LRRC7: variants seen among roughly 807,000 people sequenced by gnomAD.
LRRC7 encodes leucine-rich repeat-containing protein 7.
A neutral mutation model predicts 175.7 loss-of-function variants in LRRC7; 23 were observed. The observed-to-expected ratio is 0.13, with a 90% confidence interval of 0.09 to 0.19. The LOEUF (loss-of-function observed/expected upper bound fraction) is 0.19, where lower values mean the gene tolerates loss of function less well. Ranked by LOEUF, LRRC7 falls within the 10% of genes least tolerant of loss-of-function variation. The probability of loss-of-function intolerance (pLI) is 1.00; values close to 1 mark genes in which losing one functional copy is unlikely to be tolerated. For missense variants in LRRC7, 1,354 were observed against 1,904.7 expected, an observed-to-expected ratio of 0.71 and a Z score of 5.38; for synonymous variants, 685 against 680.9, an observed-to-expected ratio of 1.01 and a Z score of -0.09.
At position 70,126,723 on chromosome 1, in the gene LRRC7, T is replaced by C. The variant is rs1382468952; in HGVS notation, c.*4836T>C. 6.6e-6 allele frequency among the ~76,000 whole-genome samples: 1 copy of C among 152,188 alleles called. No homozygotes were observed. Reference sequence around the variant, plus strand: ...GGTCACTATTACAGGAGATCCTGAGTGTCAGCTCCATTTTGATCTAAACTG... The same window carrying C: ...GGTCACTATTACAGGAGATCCTGAGCGTCAGCTCCATTTTGATCTAAACTG... On this transcript the variant is annotated 3_prime_UTR_variant, in exon 27 of 27. Coordinates refer to ENST00000651989, the MANE Select transcript of LRRC7 (RefSeq NM_001370785.2).
chr1:69,568,573 G>A lies in LRRC7; in HGVS notation c.-67G>A. 2 of 1,337,534 alleles carry A rather than the reference G, an allele frequency of 1.5e-6. No individual in the cohort carries two copies. Among genetic ancestry groups the A allele is most frequent in the South Asian group, 1.2e-5 (1 of 83,392 alleles). The allele number at this position is 1,337,534 out of a possible 1,614,324, so 82.9% of individuals were successfully genotyped here. A position where few individuals can be genotyped will look rare whatever the true frequency, so the allele number is the denominator to read the frequency against. ...CCACTGCGGACCCCTGAACACTTAAGGAATAACCCTTGGCAGCTGCACGAC... is the reference window on the plus strand; with the variant it reads ...CCACTGCGGACCCCTGAACACTTAAAGAATAACCCTTGGCAGCTGCACGAC... On this transcript the variant is annotated 5_prime_UTR_variant, in exon 1 of 27. Transcript: ENST00000651989.
At chr1:69,819,573 C>CTG (rs1211392847) in intron 4 of LRRC7, among the ~76,000 whole-genome samples, 168 of 128,132 alleles carry the variant, frequency 1.3e-3, no homozygotes, top group African/African-American at 4.5e-3. Flanking sequence ...CTCTCTCTCT[C>CTG]TCTCTGTGTG....
intron 11 of LRRC7, among the ~76,000 whole-genome samples, chr1:69,994,992 A>G (rs183961993): frequency 1.3e-5 from 2 of 152,244 alleles, no homozygotes; most frequent in East Asian, 3.9e-4. Context: ...TTCTTGCAAA[A>G]TTAAACCAAT....
Position 69,582,915 on chromosome 1 carries a change from C to T in LRRC7, c.2+14274C>T, listed in dbSNP as rs1296642245. ...CTTGAAATGTATTTTACAAATTTCTCAAGTAAATTACTTTTGCCCTATTTT... is the reference window on the plus strand; with the variant it reads ...CTTGAAATGTATTTTACAAATTTCTTAAGTAAATTACTTTTGCCCTATTTT... On this transcript the variant is annotated intron_variant, in intron 1 of 26. Transcript: ENST00000651989. Among the ~76,000 whole-genome samples, 3 of 152,110 alleles carry T rather than the reference C, an allele frequency of 2.0e-5. No homozygotes were observed. The South Asian group carries it at 6.2e-4, about 32-fold the overall frequency.
intron 2 of LRRC7, among the ~76,000 whole-genome samples, chr1:69,716,887 A>G (rs962359879): frequency 5.3e-5 from 8 of 151,840 alleles, no homozygotes; most frequent in South Asian, 4.1e-4. Context: ...ATTGCTCCAT[A>G]TTAAAGTGGT....
chr1:69,640,037 G>A (rs1035738724), intron 1 of LRRC7, among the ~76,000 whole-genome samples: 1 of 151,564 alleles, frequency 6.6e-6, no homozygotes, highest in South Asian at 2.1e-4. Flanking sequence ...TTGATCTGAG[G>A]GTCTTTGGCA....
At chr1:70,077,700 T>C (rs182685055) in intron 24 of LRRC7, among the ~76,000 whole-genome samples, 106 of 152,336 alleles carry the variant, frequency 7.0e-4, no homozygotes, top group African/African-American at 2.4e-3. Flanking sequence ...AAGGCTATTT[T>C]AATACTATTT....
intron 26 of LRRC7, among the ~76,000 whole-genome samples, chr1:70,108,460 C>T (rs1436114714): frequency 1.3e-5 from 2 of 152,122 alleles, no homozygotes; most frequent in African/African-American, 2.4e-5. Context: ...TCTCTGAATT[C>T]ACTGTCTTTA....
chr1:69,928,306 C>A (rs577555548), intron 7 of LRRC7, among the ~76,000 whole-genome samples: 3 of 152,192 alleles, frequency 2.0e-5, no homozygotes, highest in African/African-American at 7.2e-5. Context: ...TCTCCAGCTG[C>A]GTGCTGGGAG....
intron 4 of LRRC7, among the ~76,000 whole-genome samples, chr1:69,820,435 G>A (rs1278012312): frequency 6.6e-5 from 10 of 152,040 alleles, no homozygotes; most frequent in Non-Finnish European, 1.5e-5. Context: ...TTGTTATGTA[G>A]GTATACACGT....
intron 18 of LRRC7, among the ~76,000 whole-genome samples, chr1:70,034,779 T>C (rs929488387): frequency 1.2e-4 from 19 of 152,330 alleles, no homozygotes; most frequent in African/African-American, 4.6e-4. Context: ...ATCTTTCCCT[T>C]TTCTTTTATT....
intron 25 of LRRC7, among the ~76,000 whole-genome samples, chr1:70,107,070 A>G (rs1665196593): frequency 6.6e-6 from 1 of 152,236 alleles, no homozygotes; most frequent in South Asian, 2.1e-4. Flanking sequence ...CAGGCCTAGC[A>G]TGTGATAGAC....
chr1:69,707,571 A>C (rs1253457948), intron 2 of LRRC7, among the ~76,000 whole-genome samples: 1 of 152,198 alleles, frequency 6.6e-6, no homozygotes, highest in African/African-American at 2.4e-5. Context: ...AGTCTGAGGC[A>C]GGGGAAACCA....
At chr1:69,613,246 A>C (rs911635245) in intron 1 of LRRC7, among the ~76,000 whole-genome samples, 4 of 151,952 alleles carry the variant, frequency 2.6e-5, no homozygotes, top group African/African-American at 9.7e-5. Flanking sequence ...CCGTCTTCTC[A>C]TTTTATCTTA....
Position 70,053,493 on chromosome 1 carries a change from A to C in LRRC7, c.4230+348A>C, listed in dbSNP as rs75052821. Among the ~76,000 whole-genome samples, 1,349 of 152,324 alleles carry C rather than the reference A, an allele frequency of 8.9e-3. 18 individuals carry two copies. Among genetic ancestry groups the C allele is most frequent in the African/African-American group, 0.031 (1,268 of 41,572 alleles). ...AGTGTGTTGTAACCAGTTTGCTTAA[A>C]AGAAAATTTGATTCACTATTTCTAA... On this transcript the variant is annotated intron_variant, in intron 23 of 26. Transcript: ENST00000651989.
chr1:69,919,216 A>T, intron 7 of LRRC7: 1 of 331,652 alleles, frequency 3.0e-6, no homozygotes, highest in Non-Finnish European at 5.5e-6. Flanking sequence ...TCTGCAGTCC[A>T]TAGGGTGTCA....
chr1:70,056,462 T>C (rs547656003), intron 23 of LRRC7, among the ~76,000 whole-genome samples: 1 of 152,340 alleles, frequency 6.6e-6, no homozygotes, highest in Admixed American at 6.5e-5. Context: ...GGTTCTCTCT[T>C]ATTAAATACT....
chr1:69,996,574 T>C (rs1355234575), intron 11 of LRRC7, among the ~76,000 whole-genome samples: 2 of 151,682 alleles, frequency 1.3e-5, no homozygotes, highest in African/African-American at 4.8e-5. Context: ...TTGATTTTTG[T>C]ATAAGGTGTA....
chr1:69,717,408 AAT>A, intron 2 of LRRC7, among the ~76,000 whole-genome samples: 1 of 151,820 alleles, frequency 6.6e-6, no homozygotes, highest in Non-Finnish European at 1.5e-5. Flanking sequence ...TTCACAGATA[AAT>A]CTATCATATA....
Sources: allele counts gnomAD v4.1 joint callset (sites outside exome capture counted in the v4.1 genomes callset), GRCh38; gene constraint gnomAD v4.1.1; transcripts MANE v1.5; gene names NCBI Gene and HGNC (gene_info 2026-07-23, HGNC 2026-07-21).